Variants in LHFPL3 observed in about 807,000 individuals in gnomAD.
The protein encoded by LHFPL3 is LHFPL tetraspan subfamily member 3, also known as LHFPL tetraspan subfamily member 3 protein.
LHFPL3 carries 5 observed loss-of-function variants against 19.3 expected under a neutral mutation model. The ratio of observed to expected loss-of-function variants is 0.26; its 90% CI spans 0.14 to 0.54. The LOEUF (loss-of-function observed/expected upper bound fraction) is 0.54, where lower values mean the gene tolerates loss of function less well. LHFPL3 is among the 20% of genes least tolerant of loss of function. The pLI is 0.94. For missense variants in LHFPL3, 249 were observed against 307.4 expected, an observed-to-expected ratio of 0.81 and a Z score of 1.42; for synonymous variants, 133 against 126.2, an observed-to-expected ratio of 1.05 and a Z score of -0.36.
At chr7:104,861,800 TAGA>T (rs34072052) in intron 2 of LHFPL3, among the ~76,000 whole-genome samples, 18,158 of 151,978 alleles carry the variant, frequency 0.12, 2,285 homozygotes, top group East Asian at 0.43. Flanking sequence ...CCTTCCCTTT[TAGA>T]AGATCTTCCC....
At position 104,394,711 on chromosome 7, in the gene LHFPL3, T is replaced by TC. The variant is rs200186537; in HGVS notation, c.445+65487_445+65488insC. 5.6e-3 allele frequency among the ~76,000 whole-genome samples: 853 copies of TC among 152,098 alleles called. 2 individuals carry two copies. The highest frequency in any genetic ancestry group is 0.02 in the African/African-American group (817 of 41,498). Reference sequence around the variant, plus strand: ...ATAATTGCTAGTCGTCATTTTCTTTTTTTTTTTGGAATGGAGTCTTGCTCT... The same window carrying TC: ...ATAATTGCTAGTCGTCATTTTCTTTTCTTTTTTTGGAATGGAGTCTTGCTCT... On this transcript the variant is annotated intron_variant, in intron 1 of 2. Coordinates refer to ENST00000424859, the MANE Select transcript of LHFPL3 (RefSeq NM_199000.3).
At chr7:104,444,766 A>G (rs1407084246) in intron 1 of LHFPL3, among the ~76,000 whole-genome samples, 1 of 152,130 alleles carries the variant, frequency 6.6e-6, no homozygotes, top group Non-Finnish European at 1.5e-5. Context: ...AGGCAGGCAG[A>G]TCACCTGAGG....
intron 2 of LHFPL3, among the ~76,000 whole-genome samples, chr7:104,770,129 C>G (rs1297638192): frequency 2.0e-5 from 3 of 152,094 alleles, no homozygotes; most frequent in African/African-American, 7.2e-5. Flanking sequence ...TATTCTGGAA[C>G]TACAATACAC....
chr7:104,871,038 G>A (rs556846117), intron 2 of LHFPL3, among the ~76,000 whole-genome samples: 1 of 152,254 alleles, frequency 6.6e-6, no homozygotes, highest in South Asian at 2.1e-4. Context: ...CAACCTAACT[G>A]ACCTAGTTTC....
intron 1 of LHFPL3, among the ~76,000 whole-genome samples, chr7:104,442,063 T>C (rs1792235877): frequency 6.6e-6 from 1 of 152,174 alleles, no homozygotes; most frequent in Admixed American, 6.5e-5. Context: ...CTTATCTTTT[T>C]TTTTTCTTTT....
intron 2 of LHFPL3, among the ~76,000 whole-genome samples, chr7:104,808,098 C>T (rs1437179854): frequency 6.6e-6 from 1 of 152,194 alleles, no homozygotes; most frequent in Non-Finnish European, 1.5e-5. Context: ...ATTTGACTCT[C>T]AACCTACTCT....
intron 1 of LHFPL3, among the ~76,000 whole-genome samples, chr7:104,554,760 A>G (rs1431510167): frequency 6.6e-6 from 1 of 152,204 alleles, no homozygotes; most frequent in Non-Finnish European, 1.5e-5. Flanking sequence ...GAGAAGTCCC[A>G]CAATAGGCTG....
chr7:104,771,562 T>C (rs77408145), intron 2 of LHFPL3, among the ~76,000 whole-genome samples: 12,525 of 152,248 alleles, frequency 0.082, 598 homozygotes, highest in South Asian at 0.12. Context: ...ATTGTGGTTA[T>C]AAATTACATT....
chr7:104,601,020 C>T (rs1285546167), intron 1 of LHFPL3, among the ~76,000 whole-genome samples: 1 of 152,220 alleles, frequency 6.6e-6, no homozygotes, highest in Non-Finnish European at 1.5e-5. Flanking sequence ...TCTCCATTTA[C>T]TGGCAATGGA....
intron 1 of LHFPL3, among the ~76,000 whole-genome samples, chr7:104,505,464 T>C (rs946762968): frequency 4.6e-5 from 7 of 152,118 alleles, no homozygotes; most frequent in African/African-American, 1.7e-4. Flanking sequence ...AAAAGTTGAA[T>C]CTGGTAAAGA....
chr7:104,901,059 CT>C (rs1792473227), intron 2 of LHFPL3, among the ~76,000 whole-genome samples: 2 of 152,370 alleles, frequency 1.3e-5, no homozygotes, highest in East Asian at 3.9e-4. Flanking sequence ...CACACTGATG[CT>C]TCCACCAAAT....
intron 1 of LHFPL3, among the ~76,000 whole-genome samples, chr7:104,543,478 G>A (rs1018841767): frequency 1.3e-5 from 2 of 151,782 alleles, no homozygotes; most frequent in African/African-American, 2.4e-5. Flanking sequence ...TATTTACTGC[G>A]ACACTATTCA....
chr7:104,699,538 G>T (rs1364676134), intron 1 of LHFPL3, among the ~76,000 whole-genome samples: 2 of 152,178 alleles, frequency 1.3e-5, no homozygotes, highest in Admixed American at 6.5e-5. Context: ...CCAAGGGTTG[G>T]GGAGAAAGGA....
rs759412499 is a variant in LHFPL3 at position 104,328,767 on chromosome 7, G to C, written c.-13G>C. ...GGACCAGGAGGAGGAGGAGGAGGAG[G>C]AGGAGGGGGAGAATGCCCGGAGCCG... On this transcript the variant is annotated 5_prime_UTR_variant, in exon 1 of 3. Coordinates refer to ENST00000424859, the MANE Select transcript of LHFPL3 (RefSeq NM_199000.3). This position sits in a 1 kb window ranked among gnomAD's most constrained non-coding sequence, Gnocchi z 4.6. 1.9e-6 allele frequency: 3 copies of C among 1,563,844 alleles called. No homozygotes were observed. The highest frequency in any genetic ancestry group is 2.6e-6 in the Non-Finnish European group (3 of 1,154,608).
intron 1 of LHFPL3, among the ~76,000 whole-genome samples, chr7:104,607,066 G>A (rs576192075): frequency 6.6e-6 from 1 of 152,326 alleles, no homozygotes; most frequent in African/African-American, 2.4e-5. Context: ...AGCAGTAAGG[G>A]ATAATAGAAA....
chr7:104,672,063 G>A (rs1156520270), intron 1 of LHFPL3, among the ~76,000 whole-genome samples: 2 of 101,768 alleles, frequency 2.0e-5, no homozygotes, highest in Admixed American at 9.8e-5. Flanking sequence ...TTCCAAGTGT[G>A]TGTGTGTGTG....
chr7:104,767,735 C>T lies in LHFPL3; in HGVS notation c.682+30824C>T, dbSNP rs529575461. Among the ~76,000 whole-genome samples, 4 of 152,168 alleles carry T rather than the reference C, an allele frequency of 2.6e-5. No homozygotes were observed. In the South Asian group the frequency reaches 8.3e-4, roughly 32 times the overall value. ...AGATAGATTAATCAAAGTATAGTACCAAATCCACGGGTTGGCTTGAGAACA... is the reference window on the plus strand; with the variant it reads ...AGATAGATTAATCAAAGTATAGTACTAAATCCACGGGTTGGCTTGAGAACA... On this transcript the variant is annotated intron_variant, in intron 2 of 2. Transcript: ENST00000424859.
intron 1 of LHFPL3, among the ~76,000 whole-genome samples, chr7:104,631,361 C>T (rs532253803): frequency 3.2e-4 from 48 of 152,158 alleles, no homozygotes; most frequent in African/African-American, 1.1e-3. Flanking sequence ...CAACCCAACT[C>T]TACCCCCTCC....
Position 104,845,704 on chromosome 7 carries a change from TTCTC to T in LHFPL3, c.683-60481_683-60478del, listed in dbSNP as rs1488169474. On this transcript the variant is annotated intron_variant, in intron 2 of 2. Transcript: ENST00000424859. Reference sequence around the variant, plus strand: ...TCCTGGGGGATGTGTTTGGTTATTGTTCTCTGACAATGAGCACTTGGATGATCAG... The same window carrying T: ...TCCTGGGGGATGTGTTTGGTTATTGTTGACAATGAGCACTTGGATGATCAG... Among the ~76,000 whole-genome samples, 5 of 152,254 alleles carry T rather than the reference TTCTC, an allele frequency of 3.3e-5. No homozygotes were observed. In the East Asian group the frequency reaches 9.6e-4, roughly 29 times the overall value.
Sources: allele counts gnomAD v4.1 joint callset (sites outside exome capture counted in the v4.1 genomes callset), GRCh38; gene constraint gnomAD v4.1.1; non-coding constraint Gnocchi (gnomAD v3.1); transcripts MANE v1.5; gene names NCBI Gene and HGNC (gene_info 2026-07-23, HGNC 2026-07-21).